The following MEFV variants were observed in gnomAD, a reference collection of about 807,000 sequenced individuals.
The protein encoded by MEFV is MEFV innate immunity regulator, pyrin.
A neutral mutation model predicts 62.5 loss-of-function variants in MEFV; 60 were observed. That is an observed-to-expected ratio of 0.96 (90% CI 0.78 to 1.19). The LOEUF is 1.19. Among genes scored for constraint, MEFV ranks in the 50% most tolerant of loss-of-function variants. MEFV has a pLI of 0.00. For missense variants in MEFV, 1,169 were observed against 1,004.5 expected, an observed-to-expected ratio of 1.16 and a Z score of -2.21; for synonymous variants, 500 against 415.2, an observed-to-expected ratio of 1.20 and a Z score of -2.48.
chr16:3,251,023 C>CAAAA (rs58529756), intron 2 of MEFV, among the ~76,000 whole-genome samples: 21 of 49,348 alleles, frequency 4.3e-4, no homozygotes, highest in African/African-American at 5.3e-4. Context: ...GACTCCATCT[C>CAAAA]AAAAAAAAAA....
At chr16:3,245,081 G>A (rs1958919516) in intron 6 of MEFV, among the ~76,000 whole-genome samples, 1 of 152,112 alleles carries the variant, frequency 6.6e-6, no homozygotes, top group Non-Finnish European at 1.5e-5. Flanking sequence ...GAGCCCAGGA[G>A]TTCAAGTCCA....
At chr16:3,250,001 C>G (rs1432822440) in intron 2 of MEFV, among the ~76,000 whole-genome samples, 1 of 152,192 alleles carries the variant, frequency 6.6e-6, no homozygotes, top group African/African-American at 2.4e-5. Context: ...CATTCCTGAG[C>G]CTTGGAATTC....
intron 8 of MEFV, 86 bp downstream of exon 8, chr16:3,244,159 TTTTTTTGTC>T: frequency 6.3e-7 from 1 of 1,590,580 alleles, no homozygotes; most frequent in Non-Finnish European, 8.6e-7. Context: ...GTTTGGTTTT[TTTTTTTGTC>T]TTCTAAATAG....
chr16:3,245,736 C>T (rs1196282641), intron 6 of MEFV, among the ~76,000 whole-genome samples: 1 of 152,118 alleles, frequency 6.6e-6, no homozygotes, highest in Admixed American at 6.6e-5. Flanking sequence ...GAATGTGAAG[C>T]GATGCAGCCC....
rs1207112159 is a variant in MEFV, at chr16:3,244,457, T to C, written c.1726+16A>G. ...AAGTGAGCATGCACCTCCAATCTTC[T>C]CCCAAGCCCATCTACCTGAGAAGTA... On this transcript the variant is annotated intron_variant, in intron 7 of 9. Coordinates refer to ENST00000219596, the MANE Select transcript of MEFV (RefSeq NM_000243.3). The C allele has an allele frequency of 6.2e-7, 1 of 1,609,404 alleles. No homozygotes were observed. Among genetic ancestry groups the C allele is most frequent in the Non-Finnish European group, 8.5e-7 (1 of 1,175,996 alleles).
chr16:3,251,393 A>T (rs1309374652), intron 2 of MEFV, among the ~76,000 whole-genome samples: 1 of 152,154 alleles, frequency 6.6e-6, no homozygotes, highest in Non-Finnish European at 1.5e-5. Flanking sequence ...GCTGCCTGGC[A>T]TGAGGACGTC....
At chr16:3,248,623 T>C in intron 4 of MEFV, 1 of 793,088 alleles carries the variant, frequency 1.3e-6, no homozygotes, top group Non-Finnish European at 1.8e-6. Flanking sequence ...TCCCTTTTCC[T>C]CAATCCCATC....
At chr16:3,252,188 C>T (rs571612578) in intron 2 of MEFV, 199 of 182,234 alleles carry the variant, frequency 1.1e-3, no homozygotes, top group Non-Finnish European at 1.4e-3. Flanking sequence ...ACTGGAAGAC[C>T]CAGGGACTTC....
intron 7 of MEFV, 28 bp downstream of exon 7, chr16:3,244,445 C>A: frequency 1.2e-6 from 2 of 1,602,902 alleles, no homozygotes; most frequent in Admixed American, 1.7e-5. Context: ...TGAGCATGCA[C>A]CTCCAATCTT....
Position 3,254,217 on chromosome 16 carries a change from T to A in MEFV, c.851A>T (p.Asp284Val). Residue 284 changes from aspartate to valine, a missense_variant, in exon 2 of 10, where the codon GAT (aspartate) becomes GTT (valine). Coordinates refer to ENST00000219596, the MANE Select transcript of MEFV (RefSeq NM_000243.3). The stretch of plus-strand genomic sequence containing the variant: ...CTTCAGGTCCGCAGATGCCCCTCCA[T>A]CCGGAGTGGGCCTTGCCCGGGGTTC... ...ATEPRARPTP[D>V]GGASADLKEG... 6.2e-7 allele frequency: 1 copy of A among 1,614,266 alleles called. No individual in the cohort carries two copies. The highest frequency in any genetic ancestry group is 8.5e-7 in the Non-Finnish European group (1 of 1,180,044).
At chr16:3,254,933 G>T in intron 1 of MEFV, 143 bp from the exon 2 acceptor site, 1 of 1,368,538 alleles carries the variant, frequency 7.3e-7, no homozygotes, top group Non-Finnish European at 1.0e-6. Context: ...GCTCATGCCT[G>T]TATTCCCGGC....
Position 3,249,564 on chromosome 16 carries a change from T to C in MEFV, c.1127A>G (p.Lys376Arg), listed in dbSNP as rs1009404209. The C allele has an allele frequency of 1.2e-6, 2 of 1,614,230 alleles. No homozygotes were observed. Among genetic ancestry groups the C allele is most frequent in the East Asian group, 2.2e-5 (1 of 44,882 alleles). Reference protein sequence around the residue: ...SLSPQPLPQCKRHLKQVQLLF... With the variant: ...SLSPQPLPQCRRHLKQVQLLF... ...CAGCTGGACCTGCTTCAGGTGGCGCTTACACTGTGGCAGGGGCTGGGGGCT... is the reference window on the plus strand; with the variant it reads ...CAGCTGGACCTGCTTCAGGTGGCGCCTACACTGTGGCAGGGGCTGGGGGCT... Residue 376 changes from lysine to arginine, a missense_variant, in exon 3 of 10, where the codon AAG (lysine) becomes AGG (arginine). Transcript: ENST00000219596.
intron 5 of MEFV, 33 bp from the exon 6 acceptor site, chr16:3,246,580 C>T (rs200674279): frequency 3.1e-6 from 5 of 1,613,848 alleles, no homozygotes; most frequent in Admixed American, 1.7e-5. Context: ...TGTCGGTTAC[C>T]AGGCTCCTAG....
chr16:3,247,349 G>T, intron 4 of MEFV, 103 bp from the exon 5 acceptor site: 1 of 921,428 alleles, frequency 1.1e-6, no homozygotes, highest in Non-Finnish European at 1.7e-6. Flanking sequence ...ATAAGAGGTG[G>T]GCTTATGCTG....
At chr16:3,251,671 A>G (rs1356473314) in intron 2 of MEFV, among the ~76,000 whole-genome samples, 1 of 152,198 alleles carries the variant, frequency 6.6e-6, no homozygotes, top group East Asian at 1.9e-4. Flanking sequence ...AAATGGTAGA[A>G]TCTCAACCCC....
intron 3 of MEFV, 47 bp downstream of exon 3, chr16:3,249,384 T>G: frequency 6.5e-7 from 1 of 1,534,840 alleles, no homozygotes; most frequent in Non-Finnish European, 9.0e-7. Flanking sequence ...AGGCCCAGTG[T>G]GTCCAAGTGC....
Position 3,247,161 on chromosome 16 carries a change from A to C in MEFV, c.1442T>G (p.Val481Gly). 2 of 1,614,170 alleles carry C rather than the reference A, an allele frequency of 1.2e-6. No homozygotes were observed. The highest frequency in any genetic ancestry group is 1.7e-6 in the Non-Finnish European group (2 of 1,180,018). Residue 481 changes from valine to glycine, a missense_variant, in exon 5 of 10, where the codon GTG becomes GGG. Coordinates refer to ENST00000219596, the MANE Select transcript of MEFV (RefSeq NM_000243.3). ...CTGGCCCACGTCCTCCAGTGAGGCC[A>C]CAAAGAAATGCTCTTGCTGCTCCAG... is the stretch of plus-strand genomic sequence containing the variant. The part of the protein sequence containing the change: ...YFLEQQEHFF[V>G]ASLEDVGQMV...
chr16:3,253,439 C>T (rs921499433), intron 2 of MEFV, among the ~76,000 whole-genome samples: 18 of 152,124 alleles, frequency 1.2e-4, no homozygotes, highest in African/African-American at 4.3e-4. Context: ...GAGGTGAGCT[C>T]CCCTTCTCCA....
chr16:3,243,195 C>T lies in MEFV; in HGVS notation c.2292G>A (p.Gly764=), dbSNP rs142352887. 1.9e-6 allele frequency: 3 copies of T among 1,614,116 alleles called. No individual in the cohort carries two copies. Among genetic ancestry groups the T allele is most frequent in the South Asian group, 1.1e-5 (1 of 91,088 alleles). Reference sequence around the variant, plus strand: ...AGATAGTCAGAGGAGCTGTGTTCTTCCCTCCATCACGTGTCCCAGGGCTGA... The same window carrying T: ...AGATAGTCAGAGGAGCTGTGTTCTTTCCTCCATCACGTGTCCCAGGGCTGA... The part of the protein sequence containing the change: ...PIFSPGTRDG[G]KNTAPLTICP... Residue 764 remains glycine (G), a synonymous_variant, in exon 10 of 10, where the codon GGG becomes GGA. Coordinates refer to ENST00000219596, the MANE Select transcript of MEFV (RefSeq NM_000243.3).
Sources: gnomAD v4.1 joint callset for allele counts (sites outside exome capture counted in the v4.1 genomes callset) on GRCh38, gnomAD v4.1.1 for gene constraint, MANE v1.5 for transcripts, NCBI Gene and HGNC (gene_info 2026-07-23, HGNC 2026-07-21) for gene names.